Variants in RET observed in about 807,000 individuals in gnomAD.
RET encodes the protein ret proto-oncogene, also known as proto-oncogene tyrosine-protein kinase receptor Ret.
In RET, 19 loss-of-function variants were observed where a neutral mutation model predicts 118.3. The observed-to-expected ratio is 0.16, with a 90% CI of 0.11 to 0.24. The LOEUF is 0.24. Among genes scored for constraint, RET ranks in the 10% least tolerant of loss-of-function variants. RET has a pLI of 1.00. For missense variants in RET, 1,219 were observed against 1,502.1 expected, an observed-to-expected ratio of 0.81 and a Z score of 3.12; for synonymous variants, 597 against 644.1, an observed-to-expected ratio of 0.93 and a Z score of 1.11.
intron 18 of RET, 121 bp downstream of exon 18, chr10:43,125,103 G>A (rs2742236): frequency 0.54 from 477,924 of 883,598 alleles, 133,351 homozygotes; most frequent in African/African-American, 0.62. Context: ...GGATTGTGCA[G>A]AGAGAGAGAG....
At position 43,126,701 on chromosome 10, in the gene RET, T is replaced by A. The variant is rs373423271; in HGVS notation, c.3166T>A (p.Trp1056Arg). The change falls in exon 19 of 20, where the codon TGG (tryptophan) becomes AGG (arginine). Residue 1056 changes from tryptophan to arginine, a missense_variant. Transcript: ENST00000355710. ...CCTCCCTCGAGCCCTCCCTTCCACA[T>A]GGATTGAAAACAAACTCTATGGTAG... is the stretch of plus-strand genomic sequence containing the variant. ...APLPRALPST[W>R]IENKLYGMSD... 1.2e-6 allele frequency: 2 copies of A among 1,613,880 alleles called. No homozygotes were observed. Among genetic ancestry groups the A allele is most frequent in the Non-Finnish European group, 1.7e-6 (2 of 1,179,982 alleles).
chr10:43,100,528 C>T lies in RET; in HGVS notation c.143C>T (p.Thr48Met), dbSNP rs1427186016. Residue 48 changes from threonine to methionine, a missense_variant, in exon 2 of 20, where the codon ACG becomes ATG. Transcript: ENST00000355710. The stretch of plus-strand genomic sequence containing the variant: ...CTGTATGTGGACCAGGCAGCCGGCA[C>T]GCCCTTGCTGTACGTCCATGCCCTG... ...EKLYVDQAAGTPLLYVHALRD... is the reference protein window; with the variant it reads ...EKLYVDQAAGMPLLYVHALRD... The T allele has an allele frequency of 5.6e-6, 9 of 1,613,858 alleles. No homozygotes were observed. The East Asian group carries it at 1.3e-4, about 24-fold the overall frequency.
intron 5 of RET, among the ~76,000 whole-genome samples, chr10:43,107,759 A>G (rs1837817983): frequency 6.6e-6 from 1 of 152,142 alleles, no homozygotes; most frequent in Admixed American, 6.5e-5. Flanking sequence ...GCTTTTATAC[A>G]TTTTAGGGAG....
chr10:43,107,170 G>A (rs1837800415), intron 5 of RET, among the ~76,000 whole-genome samples: 1 of 152,134 alleles, frequency 6.6e-6, no homozygotes, highest in African/African-American at 2.4e-5. Flanking sequence ...CTGCATTTGG[G>A]GTCTGTGTCT....
chr10:43,116,824 G>C (rs1024899605), intron 12 of RET, 93 bp downstream of exon 12: 2 of 1,479,680 alleles, frequency 1.4e-6, no homozygotes, highest in Non-Finnish European at 1.8e-6. Flanking sequence ...ACCCTGAAGA[G>C]CCCCCAATGC....
rs552689504 is a variant in RET, at chr10:43,128,285, G to A, written c.*16G>A. ...TGATAGTTAACATTTCTTTGTGAAA[G>A]GTAATGGACTCACAAGGGGAAGAAA... is the stretch of plus-strand genomic sequence containing the variant. On this transcript the variant is annotated 3_prime_UTR_variant, in exon 20 of 20. Coordinates refer to ENST00000355710, the MANE Select transcript of RET (RefSeq NM_020975.6). 3 of 1,613,998 alleles carry A rather than the reference G, an allele frequency of 1.9e-6. No homozygotes were observed. The highest frequency in any genetic ancestry group is 1.1e-5 in the South Asian group (1 of 91,074).
chr10:43,119,521 C>A lies in RET; in HGVS notation c.2393-10C>A. 6.3e-7 allele frequency: 1 copy of A among 1,588,598 alleles called. No homozygotes were observed. The highest frequency in any genetic ancestry group is 8.5e-7 in the Non-Finnish European group (1 of 1,171,064). On this transcript the variant is annotated splice_polypyrimidine_tract_variant and intron_variant, in intron 13 of 19. Transcript: ENST00000355710. ...CCCGCACGCCCAGGGCCCCCTCTCT[C>A]CGCCCCCAGGCCCGCTCCTCCTCAT...
intron 8 of RET, 25 bp from the exon 9 acceptor site, chr10:43,112,828 A>G (rs2132812316): frequency 6.3e-7 from 1 of 1,589,902 alleles, no homozygotes; most frequent in Non-Finnish European, 8.6e-7. Context: ...CACATGGGTG[A>G]CAGCCTGCTG....
chr10:43,105,028 G>A lies in RET; in HGVS notation c.702G>A (p.Arg234=), dbSNP rs764759271. 1.2e-6 allele frequency: 2 copies of A among 1,603,682 alleles called. No individual in the cohort carries two copies. The highest frequency in any genetic ancestry group is 1.7e-6 in the Non-Finnish European group (2 of 1,178,766). ...GCTGGGCCCTGGACCGCGAGCAGCG[G>A]GAGAAGTACGAGCTGGTGGCCGTGT... ...STRWALDREQ[R]EKYELVAVCT... The change falls in exon 4 of 20, where the codon CGG becomes CGA. Residue 234 remains arginine, a synonymous_variant. Coordinates refer to ENST00000355710, the MANE Select transcript of RET (RefSeq NM_020975.6).
intron 1 of RET, among the ~76,000 whole-genome samples, chr10:43,084,676 G>A (rs1029697414): frequency 6.6e-6 from 1 of 152,064 alleles, no homozygotes. Context: ...AGGAGAGTGT[G>A]GATTCGTCTG....
intron 5 of RET, among the ~76,000 whole-genome samples, chr10:43,107,289 G>A (rs538069690): frequency 1.3e-5 from 2 of 152,184 alleles, no homozygotes; most frequent in Non-Finnish European, 2.9e-5. Context: ...ACTTGTCAGA[G>A]GGGAGACAGC....
At chr10:43,116,930 A>T (rs966992744) in intron 12 of RET, among the ~76,000 whole-genome samples, 199 bp downstream of exon 12, 1 of 152,206 alleles carries the variant, frequency 6.6e-6, no homozygotes, top group Non-Finnish European at 1.5e-5. Flanking sequence ...AAGGCTCTAG[A>T]GGTGTTGCTG....
At chr10:43,081,703 G>A (rs1232866169) in intron 1 of RET, among the ~76,000 whole-genome samples, 3 of 152,188 alleles carry the variant, frequency 2.0e-5, no homozygotes, top group Non-Finnish European at 4.4e-5. Context: ...GGTCCCTTGG[G>A]GTCCATGACC....
intron 4 of RET, among the ~76,000 whole-genome samples, chr10:43,105,877 T>C (rs918448557): frequency 1.8e-4 from 28 of 152,016 alleles, no homozygotes; most frequent in African/African-American, 6.5e-4. Context: ...GGCAGAGCCA[T>C]CCAGGTGCCC....
At chr10:43,080,166 C>T (rs10900298) in intron 1 of RET, among the ~76,000 whole-genome samples, 39,876 of 152,230 alleles carry the variant, frequency 0.26, 5,328 homozygotes, top group African/African-American at 0.3. Flanking sequence ...AGCTAATAGC[C>T]TTTTAGCCAG....
chr10:43,091,530 C>G (rs531909586), intron 1 of RET, among the ~76,000 whole-genome samples: 2 of 151,700 alleles, frequency 1.3e-5, no homozygotes, highest in East Asian at 3.9e-4. Flanking sequence ...ACTTGGGAGG[C>G]TGAGGCAGGA....
At position 43,118,355 on chromosome 10, in the gene RET, C is replaced by T; in HGVS notation, c.2285-18C>T. On this transcript the variant is annotated intron_variant, in intron 12 of 19. Transcript: ENST00000355710. Reference sequence around the variant, plus strand: ...TCCAGGAGCGATCGTTTGCAACCTGCTCTGTGCTGCATTTCAGAGAACGCC... The same window carrying T: ...TCCAGGAGCGATCGTTTGCAACCTGTTCTGTGCTGCATTTCAGAGAACGCC... 6.2e-7 allele frequency: 1 copy of T among 1,601,656 alleles called. No homozygotes were observed. The highest frequency in any genetic ancestry group is 1.1e-5 in the South Asian group (1 of 90,638).
chr10:43,126,266 G>A (rs918706800), intron 18 of RET, among the ~76,000 whole-genome samples: 6 of 152,238 alleles, frequency 3.9e-5, no homozygotes, highest in Non-Finnish European at 7.3e-5. Flanking sequence ...GTCCCCCAAG[G>A]CTGCCCTCCA....
intron 2 of RET, among the ~76,000 whole-genome samples, chr10:43,101,988 A>G (rs1246268080): frequency 6.7e-6 from 1 of 148,650 alleles, no homozygotes; most frequent in African/African-American, 2.4e-5. Flanking sequence ...GGCCACTCCA[A>G]ACCTCCTGAG....
Sources: allele counts gnomAD v4.1 joint callset (sites outside exome capture counted in the v4.1 genomes callset), GRCh38; gene constraint gnomAD v4.1.1; transcripts MANE v1.5; gene names NCBI Gene and HGNC (gene_info 2026-07-23, HGNC 2026-07-21).